MED12L: variants seen among roughly 807,000 people sequenced by gnomAD.
The protein encoded by MED12L is mediator complex subunit 12L.
Under a neutral mutation model 281.3 loss-of-function variants are expected in MED12L, and 60 were observed. That is an observed-to-expected ratio of 0.21 (90% CI 0.17 to 0.26). MED12L has a LOEUF of 0.26. Ranked by LOEUF, MED12L falls within the 10% of genes least tolerant of loss-of-function variation. The pLI is 1.00. For missense variants in MED12L, 2,146 were observed against 2,680.9 expected, an observed-to-expected ratio of 0.80 and a Z score of 4.41; for synonymous variants, 974 against 987.2, an observed-to-expected ratio of 0.99 and a Z score of 0.25.
intron 3 of MED12L, among the ~76,000 whole-genome samples, chr3:151,118,154 GT>G (rs199697127): frequency 6.6e-5 from 10 of 151,152 alleles, no homozygotes; most frequent in African/African-American, 1.7e-4. Context: ...ATCTTTTAGG[GT>G]TTTTTTTATA....
chr3:151,209,939 A>G (rs915569372), intron 16 of MED12L, among the ~76,000 whole-genome samples: 2 of 152,186 alleles, frequency 1.3e-5, no homozygotes, highest in Admixed American at 6.5e-5. Context: ...AATTGGGCTT[A>G]TTGGCTGTGG....
At chr3:151,255,945 A>G (rs1559945932) in intron 16 of MED12L, among the ~76,000 whole-genome samples, 1 of 152,210 alleles carries the variant, frequency 6.6e-6, no homozygotes, top group Non-Finnish European at 1.5e-5. Flanking sequence ...TAAATCACGT[A>G]AGGTGTATTT....
At chr3:151,278,161 G>A (rs1742208870) in intron 16 of MED12L, 1 of 152,156 alleles carries the variant, frequency 6.6e-6, no homozygotes, top group Admixed American at 6.5e-5. Flanking sequence ...AACCTACTGA[G>A]AAAAATGTGA....
intron 26 of MED12L, 85 bp from the exon 27 acceptor site, chr3:151,372,482 C>T (rs1448195565): frequency 1.0e-6 from 1 of 959,392 alleles, no homozygotes; most frequent in Non-Finnish European, 1.7e-6. Flanking sequence ...ATTTTAAATC[C>T]CTGAATGCTA....
chr3:151,326,873 C>G (rs1749664111), intron 16 of MED12L: 4 of 152,064 alleles, frequency 2.6e-5, no homozygotes, highest in Admixed American at 2.6e-4. Flanking sequence ...TTTTTTGAAT[C>G]ACAGAAGGAT....
At chr3:151,432,017 C>T (rs958497848) in intron 44 of MED12L, among the ~76,000 whole-genome samples, 5 of 152,322 alleles carry the variant, frequency 3.3e-5, no homozygotes, top group East Asian at 1.9e-4. Flanking sequence ...TACTCAGCTG[C>T]CTGATAAGCA....
rs1053169859 is a variant in MED12L at position 151,267,416 on chromosome 3, G to T, written c.2250+73750G>T. On this transcript the variant is annotated intron_variant, in intron 16 of 44. Coordinates refer to ENST00000687756, the MANE Select transcript of MED12L (RefSeq NM_001393769.1). ...TCTTTTTAGAAAGAAACAATATCAA[G>T]GTTATATGTTACTTTCTCTTTTTTC... 3.7e-4 allele frequency among the ~76,000 whole-genome samples: 56 copies of T among 152,220 alleles called. 1 individual carries two copies. The highest frequency in any genetic ancestry group is 1.1e-3 in the African/African-American group (47 of 41,540).
At chr3:151,361,293 G>GT (rs1007870989) in intron 21 of MED12L, among the ~76,000 whole-genome samples, 1 of 151,932 alleles carries the variant, frequency 6.6e-6, no homozygotes, top group Non-Finnish European at 1.5e-5. Context: ...GTGTTAATGA[G>GT]TTTTTTTAAA....
chr3:151,383,010 C>G, intron 33 of MED12L, among the ~76,000 whole-genome samples: 1 of 152,216 alleles, frequency 6.6e-6, no homozygotes, highest in East Asian at 1.9e-4. Flanking sequence ...CTCTCCTTCT[C>G]TTCAGTTTGT....
rs71848482 is a variant in MED12L, at chr3:151,334,192, C to CTTTTTTTTTTTT, written c.2251-15864_2251-15863insTTTTTTTTTTTT. ...GATGTTATGTGTTTTTTCTTTCTTT[C>CTTTTTTTTTTTT]TTTCTTTTTTTTTTTGCCATTTCTA... On this transcript the variant is annotated intron_variant, in intron 16 of 44. Coordinates refer to ENST00000687756, the MANE Select transcript of MED12L (RefSeq NM_001393769.1). Among the ~76,000 whole-genome samples, 501 of 99,138 alleles carry CTTTTTTTTTTTT rather than the reference C, an allele frequency of 5.1e-3. 44 individuals carry two copies. The highest frequency in any genetic ancestry group is 0.018 in the Admixed American group (149 of 8,274). 65.0% of individuals were successfully genotyped at this position (99,138 alleles called of 152,430 possible).
chr3:151,204,591 A>G (rs1040448425), intron 16 of MED12L, among the ~76,000 whole-genome samples: 1 of 152,220 alleles, frequency 6.6e-6, no homozygotes, highest in South Asian at 2.1e-4. Flanking sequence ...GTATGCTTCA[A>G]CATTGTACAG....
chr3:151,425,000 C>A (rs141614885), intron 43 of MED12L, among the ~76,000 whole-genome samples: 1 of 152,138 alleles, frequency 6.6e-6, no homozygotes, highest in Non-Finnish European at 1.5e-5. Flanking sequence ...ACTCTGGTGC[C>A]CTTGGAACCC....
intron 23 of MED12L, 84 bp from the exon 24 acceptor site, chr3:151,367,562 T>C (rs1257803588): frequency 8.8e-6 from 11 of 1,256,436 alleles, no homozygotes; most frequent in Non-Finnish European, 1.1e-5. Context: ...CTTATTGGTA[T>C]TGCCTGCATT....
intron 12 of MED12L, 161 bp from the exon 13 acceptor site, chr3:151,188,193 T>A (rs1056211562): frequency 2.0e-5 from 10 of 496,396 alleles, no homozygotes; most frequent in Non-Finnish European, 3.5e-5. Context: ...GGAGAAATTA[T>A]ATTCACCTGA....
intron 5 of MED12L, among the ~76,000 whole-genome samples, chr3:151,147,242 A>G (rs1056332212): frequency 1.3e-5 from 2 of 152,032 alleles, no homozygotes; most frequent in African/African-American, 4.8e-5. Flanking sequence ...CTAGTGTTTT[A>G]CTTTTTATCA....
In MED12L at chr3:151,376,363, T is replaced by C. The variant is rs548380470; in HGVS notation, c.4053+149T>C. ...ACATTTTCTGTGGAATTGACATACT[T>C]TATTTTTGGGTGGATGTACATGCTG... On this transcript the variant is annotated intron_variant, in intron 28 of 44. Coordinates refer to ENST00000687756, the MANE Select transcript of MED12L (RefSeq NM_001393769.1). 1.8e-4 allele frequency: 111 copies of C among 633,304 alleles called. No individual in the cohort carries two copies. The African/African-American group carries it at 2.0e-3, about 11-fold the overall frequency. The allele number at this position is 633,304 out of a possible 1,614,324, so 39.2% of individuals were successfully genotyped here. A position where few individuals can be genotyped will look rare whatever the true frequency, so the allele number is the denominator to read the frequency against.
chr3:151,382,649 A>C lies in MED12L; in HGVS notation c.4591-7A>C, dbSNP rs755547880. 1.2e-6 allele frequency: 2 copies of C among 1,601,646 alleles called. No homozygotes were observed. Among genetic ancestry groups the C allele is most frequent in the South Asian group, 2.3e-5 (2 of 88,534 alleles). Reference sequence around the variant, plus strand: ...ACTTTAATGGGGAGTTTTTTTCCGGATCTTAGATTTTAAGTAACTGGAGAG... The same window carrying C: ...ACTTTAATGGGGAGTTTTTTTCCGGCTCTTAGATTTTAAGTAACTGGAGAG... On this transcript the variant is annotated splice_polypyrimidine_tract_variant and splice_region_variant and intron_variant, in intron 32 of 44. Coordinates refer to ENST00000687756, the MANE Select transcript of MED12L (RefSeq NM_001393769.1).
At chr3:151,237,060 T>C (rs1383377345) in intron 16 of MED12L, among the ~76,000 whole-genome samples, 1 of 150,704 alleles carries the variant, frequency 6.6e-6, no homozygotes, top group Non-Finnish European at 1.5e-5. Context: ...TTTTTTTTTT[T>C]TTTTTTGAGA....
At chr3:151,181,727 AGGCATGC>A (rs1228423349) in intron 11 of MED12L, among the ~76,000 whole-genome samples, 1 of 151,992 alleles carries the variant, frequency 6.6e-6, no homozygotes, top group Non-Finnish European at 1.5e-5. Flanking sequence ...CTGGGACTAC[AGGCATGC>A]GCCACCATAC....
Sources: gnomAD v4.1 joint callset for allele counts (sites outside exome capture counted in the v4.1 genomes callset) on GRCh38, gnomAD v4.1.1 for gene constraint, MANE v1.5 for transcripts, NCBI Gene and HGNC (gene_info 2026-07-23, HGNC 2026-07-21) for gene names.